Variants in ARHGAP20 observed in about 807,000 individuals in gnomAD.
ARHGAP20 encodes Rho GTPase activating protein 20, also known as rho GTPase-activating protein 20.
Under a neutral mutation model 73.7 loss-of-function variants are expected in ARHGAP20, and 34 were observed. The ratio of observed to expected loss-of-function variants is 0.46; its 90% CI spans 0.35 to 0.61. ARHGAP20 has a LOEUF of 0.61. Among genes scored for constraint, ARHGAP20 ranks in the 20% least tolerant of loss-of-function variants. ARHGAP20 has a pLI of 0.00. For missense variants in ARHGAP20, 1,314 were observed against 1,420.9 expected (o/e 0.92, Z 1.21); for synonymous variants, 523 against 518.2 (o/e 1.01, Z -0.13).
Position 110,712,265 on chromosome 11 carries a change from G to A in ARHGAP20, c.-34C>T. On this transcript the variant is annotated 5_prime_UTR_variant, in exon 1 of 15. Transcript: ENST00000683387. Reference sequence around the variant, plus strand: ...TCTTCAAACAAATCCCAGCCCAGGAGGAGGCTACACGATCATGTCCGCGGG... The same window carrying A: ...TCTTCAAACAAATCCCAGCCCAGGAAGAGGCTACACGATCATGTCCGCGGG... The A allele has an allele frequency of 1.5e-5, 20 of 1,306,370 alleles. No homozygotes were observed. The highest frequency in any genetic ancestry group is 1.8e-5 in the Non-Finnish European group (18 of 1,018,910). The allele number at this position is 1,306,370 out of a possible 1,614,324, so 80.9% of individuals were successfully genotyped here.
rs7937473 is a variant in ARHGAP20 at position 110,590,865 on chromosome 11, T to C, written c.1144-56A>G. ...TGACACTTCCACACACACAAGGGAA[T>C]GTACACTTGCCCTCTTTGGATGCCA... On this transcript the variant is annotated intron_variant, in intron 10 of 14. Transcript: ENST00000683387. 1,146 of 1,535,750 alleles carry C rather than the reference T, an allele frequency of 7.5e-4. 7 individuals carry two copies. The African/African-American group carries it at 0.013, about 17-fold the overall frequency.
chr11:110,655,875 G>A (rs577113663), intron 2 of ARHGAP20, among the ~76,000 whole-genome samples: 1 of 152,240 alleles, frequency 6.6e-6, no homozygotes, highest in African/African-American at 2.4e-5. Flanking sequence ...TCTTCCATGG[G>A]ATGTTAATAG....
In ARHGAP20 at chr11:110,711,560, T is replaced by A; in HGVS notation, c.105+567A>T. 2.8e-6 allele frequency: 4 copies of A among 1,406,156 alleles called. No individual in the cohort carries two copies. In the South Asian group the frequency reaches 5.9e-5, roughly 21 times the overall value. The allele number at this position is 1,406,156 out of a possible 1,614,324, so 87.1% of individuals were successfully genotyped here. A position where few individuals can be genotyped will look rare whatever the true frequency, so the allele number is the denominator to read the frequency against. ...AGGACCCTGGTGTGGGGGGCAGTAC[T>A]CCCCATATCTGCCCCCCGAAAACTG... On this transcript the variant is annotated intron_variant, in intron 1 of 14. Transcript: ENST00000683387.
Position 110,579,876 on chromosome 11 carries a change from G to C in ARHGAP20, c.3070C>G (p.His1024Asp). 1 of 1,614,220 alleles carries C rather than the reference G, an allele frequency of 6.2e-7. No homozygotes were observed. Among genetic ancestry groups the C allele is most frequent in the Non-Finnish European group, 8.5e-7 (1 of 1,180,048 alleles). Residue 1024 changes from histidine (H) to aspartate (D), a missense_variant, in exon 15 of 15, where the codon CAT becomes GAT. By Grantham distance (81) the His-to-Asp change is moderately conservative (BLOSUM62 -1). Transcript: ENST00000683387. ...AYTKKDTMEW[H>D]SQMHSVTLHP... is the part of the protein sequence containing the mutation. ...AGAGTTACAGAATGCATTTGTGAAT[G>C]CCACTCCATGGTGTCCTTCTTTGTA...
chr11:110,606,722 A>G lies in ARHGAP20; in HGVS notation c.803T>C (p.Met268Thr). ...GAGTGCAGAGTCTCGAAGATGGCTC[A>G]TTTTAATTCCATATGGATATTCATG... ...IGHEYPYGIK[M>T]SHLRDSALLT... The change falls in exon 9 of 15, where the codon ATG (methionine) becomes ACG (threonine). Residue 268 changes from methionine (M) to threonine (T), a missense_variant. Transcript: ENST00000683387. 1 of 1,572,102 alleles carries G rather than the reference A, an allele frequency of 6.4e-7. No homozygotes were observed. The highest frequency in any genetic ancestry group is 1.2e-5 in the South Asian group (1 of 85,562).
At chr11:110,657,144 A>G (rs1030115232) in intron 2 of ARHGAP20, among the ~76,000 whole-genome samples, 6 of 152,140 alleles carry the variant, frequency 3.9e-5, no homozygotes, top group African/African-American at 1.4e-4. Context: ...TTGAGGATTT[A>G]TTTTATTAAG....
chr11:110,597,979 C>T (rs1291180466), intron 9 of ARHGAP20, among the ~76,000 whole-genome samples: 3 of 152,166 alleles, frequency 2.0e-5, no homozygotes, highest in Non-Finnish European at 4.4e-5. Flanking sequence ...AAACTAAATT[C>T]AAGTAAATCT....
At chr11:110,689,163 T>C (rs1170144262) in intron 2 of ARHGAP20, among the ~76,000 whole-genome samples, 1 of 151,944 alleles carries the variant, frequency 6.6e-6, no homozygotes, top group Non-Finnish European at 1.5e-5. Context: ...CACGCCCGGT[T>C]AATATTTTGG....
chr11:110,699,111 C>T (rs1252435736), intron 1 of ARHGAP20, among the ~76,000 whole-genome samples: 2 of 151,566 alleles, frequency 1.3e-5, no homozygotes, highest in Non-Finnish European at 3.0e-5. Flanking sequence ...TGATATGTTG[C>T]CTATTTTCAT....
chr11:110,648,242 T>C lies in ARHGAP20; in HGVS notation c.189-17450A>G, dbSNP rs1209833649. ...ATATGTATATATATATATATGTAAA[T>C]ATATATATGTAAATATATATATGTA... On this transcript the variant is annotated intron_variant, in intron 2 of 14. Coordinates refer to ENST00000683387, the MANE Select transcript of ARHGAP20 (RefSeq NM_001384657.1). Among the ~76,000 whole-genome samples the C allele has an allele frequency of 2.5e-4, 25 of 100,972 alleles. 1 individual carries two copies. Among genetic ancestry groups the C allele is most frequent in the African/African-American group, 7.8e-4 (23 of 29,490 alleles). 66.2% of individuals were successfully genotyped at this position (100,972 alleles called of 152,430 possible).
At chr11:110,597,498 A>T (rs1039578510) in intron 9 of ARHGAP20, among the ~76,000 whole-genome samples, 1 of 151,892 alleles carries the variant, frequency 6.6e-6, no homozygotes, top group Admixed American at 6.6e-5. Context: ...TATTATTATT[A>T]TTTTTTTAGA....
At position 110,698,374 on chromosome 11, in the gene ARHGAP20, T is replaced by C. The variant is rs1034207229; in HGVS notation, c.106-7745A>G. On this transcript the variant is annotated intron_variant, in intron 1 of 14. Transcript: ENST00000683387. ...TACGTTCATCAGAGATATTAGCCTA[T>C]AGTTTTTGTTTTCCATTGTGTCCTT... is the stretch of plus-strand genomic sequence containing the variant. Among the ~76,000 whole-genome samples, 3 of 151,960 alleles carry C rather than the reference T, an allele frequency of 2.0e-5. No homozygotes were observed. In the East Asian group the frequency reaches 5.8e-4, roughly 29 times the overall value.
At chr11:110,655,142 TG>T (rs1385653996) in intron 2 of ARHGAP20, among the ~76,000 whole-genome samples, 1 of 152,170 alleles carries the variant, frequency 6.6e-6, no homozygotes, top group Non-Finnish European at 1.5e-5. Context: ...TAAAGGGGAT[TG>T]GGAGAAAGCC....
intron 1 of ARHGAP20, among the ~76,000 whole-genome samples, chr11:110,701,606 T>G (rs1190575687): frequency 3.2e-4 from 48 of 152,132 alleles, no homozygotes; most frequent in African/African-American, 1.2e-3. Flanking sequence ...ATTTGTCAAT[T>G]TTGGCTTTTG....
chr11:110,591,054 T>C (rs985785005), intron 10 of ARHGAP20, among the ~76,000 whole-genome samples: 6 of 152,114 alleles, frequency 3.9e-5, no homozygotes, highest in African/African-American at 1.4e-4. Flanking sequence ...AAAATTTCAG[T>C]TAGGAGGAAT....
Position 110,579,583 on chromosome 11 carries a change from G to A in ARHGAP20, c.3363C>T (p.His1121=). 6.2e-7 allele frequency: 1 copy of A among 1,613,948 alleles called. No homozygotes were observed. Among genetic ancestry groups the A allele is most frequent in the Non-Finnish European group, 8.5e-7 (1 of 1,179,814 alleles). ...CCACCAGGCTGAATGGAGAGCTACA[G>A]TGTCTCTCTGAGTCCTGGAAGGGAG... ...SSSPFQDSER[H]CSSPFSLVES... is the part of the protein sequence containing the mutation. The change falls in exon 15 of 15, where the codon CAC becomes CAT. Residue 1121 remains histidine, a synonymous_variant. Coordinates refer to ENST00000683387, the MANE Select transcript of ARHGAP20 (RefSeq NM_001384657.1).
intron 4 of ARHGAP20, among the ~76,000 whole-genome samples, chr11:110,622,130 CT>C (rs766029488): frequency 1.3e-5 from 2 of 152,228 alleles, no homozygotes; most frequent in South Asian, 2.1e-4. Flanking sequence ...GATGACATAG[CT>C]TCTGTCCTCT....
intron 9 of ARHGAP20, among the ~76,000 whole-genome samples, chr11:110,601,232 G>A (rs1418821831): frequency 2.0e-5 from 3 of 152,208 alleles, no homozygotes; most frequent in Admixed American, 6.5e-5. Context: ...AAGTGTGAAA[G>A]ATTCTGACTA....
chr11:110,690,950 C>T (rs1350671763), intron 1 of ARHGAP20: 1 of 1,470,908 alleles, frequency 6.8e-7, no homozygotes, highest in African/African-American at 1.4e-5. Context: ...TGGCTCTATG[C>T]TAAAGGCTGG....
Sources: allele counts gnomAD v4.1 joint callset (sites outside exome capture counted in the v4.1 genomes callset), GRCh38; gene constraint gnomAD v4.1.1; transcripts MANE v1.5; gene names NCBI Gene and HGNC (gene_info 2026-07-23, HGNC 2026-07-21).